The following SPATA31G1 variants were observed in gnomAD, a reference collection of about 807,000 sequenced individuals.
SPATA31G1 encodes spermatogenesis-associated protein 31G1.
the SPATA31G1 span, chr9:35,044,227 G>A: frequency 1.2e-6 from 2 of 1,614,126 alleles, no homozygotes; most frequent in East Asian, 2.2e-5. Context: ...ATCAATCCTG[G>A]GGAATGCCTC....
At chr9:35,044,261 G>A in the SPATA31G1 span, 1 of 1,614,174 alleles carries the variant, frequency 6.2e-7, no homozygotes, top group Non-Finnish European at 8.5e-7. Flanking sequence ...CTACATGGAA[G>A]GATACTGAGC....
chr9:35,045,754 TGGA>T, the SPATA31G1 span: 2 of 1,614,102 alleles, frequency 1.2e-6, no homozygotes, highest in African/African-American at 2.7e-5. Context: ...TGGGCCCACA[TGGA>T]GAAGTATCTC....
At chr9:35,045,750 C>T in the SPATA31G1 span, 3 of 1,614,244 alleles carry the variant, frequency 1.9e-6, no homozygotes, top group Non-Finnish European at 2.5e-6. Flanking sequence ...TCCTTGGGCC[C>T]ACATGGAGAA....
At chr9:35,043,659 T>A in the SPATA31G1 span, 1 of 1,614,056 alleles carries the variant, frequency 6.2e-7, no homozygotes. Flanking sequence ...GCCACCCCCC[T>A]GCCAATCCCC....
At chr9:35,042,179 C>G in the SPATA31G1 span, 1 of 1,544,986 alleles carries the variant, frequency 6.5e-7, no homozygotes, top group South Asian at 1.2e-5. Flanking sequence ...AAGCCCAGGC[C>G]TCTGTGGGGG....
At chr9:35,044,673 G>A in the SPATA31G1 span, 3 of 1,613,984 alleles carry the variant, frequency 1.9e-6, no homozygotes, top group African/African-American at 1.3e-5. Context: ...GAACCACTGG[G>A]CCACTGAGCT....
the SPATA31G1 span, chr9:35,045,150 C>A: frequency 6.2e-7 from 1 of 1,614,044 alleles, no homozygotes; most frequent in East Asian, 2.2e-5. Flanking sequence ...TCCATGCCCC[C>A]ACTCTTCAAG....
chr9:35,045,173 A>G, the SPATA31G1 span: 1 of 1,614,050 alleles, frequency 6.2e-7, no homozygotes, highest in Non-Finnish European at 8.5e-7. Context: ...GTCATCCTCA[A>G]GAAGTTCAGC....
the SPATA31G1 span, chr9:35,045,693 G>A: frequency 6.2e-7 from 1 of 1,614,222 alleles, no homozygotes; most frequent in African/African-American, 1.3e-5. Flanking sequence ...GCCAGAGGCA[G>A]GGCGAAGAGC....
chr9:35,042,595 C>A, the SPATA31G1 span: 2 of 1,514,518 alleles, frequency 1.3e-6, no homozygotes, highest in Non-Finnish European at 1.8e-6. Flanking sequence ...AGATGTGAGG[C>A]TGGGTGAGTA....
the SPATA31G1 span, chr9:35,044,961 A>G: frequency 1.2e-6 from 2 of 1,614,144 alleles, no homozygotes; most frequent in South Asian, 2.2e-5. Context: ...CCATCCTGGG[A>G]TCCATGCCTG....
the SPATA31G1 span, chr9:35,043,870 G>A: frequency 1.3e-5 from 21 of 1,614,126 alleles, no homozygotes; most frequent in South Asian, 2.0e-4. Flanking sequence ...AAGCCCCAGT[G>A]GGAATGCAGA....
the SPATA31G1 span, chr9:35,043,533 G>A: frequency 1.5e-5 from 24 of 1,613,980 alleles, no homozygotes; most frequent in Non-Finnish European, 2.0e-5. Context: ...TTTATCTGGC[G>A]CTGAGGCACC....
chr9:35,045,017 G>C, the SPATA31G1 span: 1 of 1,614,212 alleles, frequency 6.2e-7, no homozygotes, highest in Non-Finnish European at 8.5e-7. Flanking sequence ...AACTGCGGCA[G>C]AGCCCTGCCT....
the SPATA31G1 span, chr9:35,045,799 G>C: frequency 1.9e-6 from 3 of 1,614,108 alleles, no homozygotes; most frequent in Non-Finnish European, 2.5e-6. Flanking sequence ...TCCCTTACCA[G>C]GGGTTTGCAA....
chr9:35,042,764 T>G, the SPATA31G1 span: 25 of 1,477,106 alleles, frequency 1.7e-5, no homozygotes, highest in South Asian at 3.0e-4. Flanking sequence ...GGTGAGTAAC[T>G]GTCCACTCTG....
the SPATA31G1 span, chr9:35,042,210 G>C: frequency 6.9e-6 from 11 of 1,595,504 alleles, no homozygotes; most frequent in Admixed American, 1.7e-5. Flanking sequence ...TTTGTTCTGT[G>C]ATGCAATGAT....
the SPATA31G1 span, chr9:35,043,564 G>A: frequency 6.2e-7 from 1 of 1,614,098 alleles, no homozygotes. Context: ...CCTGGAACTA[G>A]CCCCCTGGAA....
chr9:35,044,131 T>C, the SPATA31G1 span: 2 of 1,614,102 alleles, frequency 1.2e-6, no homozygotes, highest in East Asian at 2.2e-5. Flanking sequence ...TGGGAGACCA[T>C]GGGGCAGAAA....
Sources: gnomAD v4.1 joint callset for allele counts on GRCh38, gnomAD v4.1.1 for gene constraint, MANE v1.5 for transcripts, NCBI Gene and HGNC (gene_info 2026-07-23, HGNC 2026-07-21) for gene names.